The following KLF12 variants were observed in gnomAD, a reference collection of about 807,000 sequenced individuals.
KLF12 encodes the protein KLF transcription factor 12.
In KLF12, 9 loss-of-function variants were observed where a neutral mutation model predicts 37.8. The observed-to-expected ratio is 0.24, with a 90% CI of 0.14 to 0.42. KLF12 has a LOEUF of 0.42. Among genes scored for constraint, KLF12 ranks in the 10% least tolerant of loss-of-function variants. The pLI, the probability that KLF12 is intolerant of heterozygous loss-of-function variation, is 1.00. For missense variants in KLF12, 411 were observed against 516.0 expected, an observed-to-expected ratio of 0.80 and a Z score of 1.97; for synonymous variants, 208 against 202.1, an observed-to-expected ratio of 1.03 and a Z score of -0.25.
the KLF12 span, among the ~76,000 whole-genome samples, chr13:74,275,860 TTCTTTCTA>T: frequency 9.9e-4 from 116 of 117,544 alleles, 1 homozygote; most frequent in African/African-American, 2.8e-3. Context: ...CTTTCTTTCT[TTCTTTCTA>T]TCTTTCTTTC....
At chr13:73,896,932 C>A (rs568005449) in intron 3 of KLF12, among the ~76,000 whole-genome samples, 4 of 152,240 alleles carry the variant, frequency 2.6e-5, no homozygotes, top group Non-Finnish European at 4.4e-5. Flanking sequence ...ATTCTAAACT[C>A]ATAAAAAGTT....
intron 5 of KLF12, among the ~76,000 whole-genome samples, chr13:73,807,965 T>C (rs920960017): frequency 1.3e-5 from 2 of 152,170 alleles, no homozygotes; most frequent in African/African-American, 2.4e-5. Flanking sequence ...TTATGAATGT[T>C]TGGAATGAGA....
At chr13:74,071,650 A>G (rs1043783649) in intron 1 of KLF12, among the ~76,000 whole-genome samples, 22 of 152,168 alleles carry the variant, frequency 1.4e-4, no homozygotes, top group African/African-American at 2.9e-4. Context: ...CCAAGATCGC[A>G]CCACTGCACT....
chr13:74,243,677 G>A, the KLF12 span, among the ~76,000 whole-genome samples: 1 of 152,116 alleles, frequency 6.6e-6, no homozygotes, highest in Admixed American at 6.5e-5. Flanking sequence ...TCTCATTGTG[G>A]TTTTGATTTG....
In KLF12 at chr13:74,076,888, C is replaced by T. The variant is rs532691785; in HGVS notation, c.-32+56851G>A. Among the ~76,000 whole-genome samples the T allele has an allele frequency of 3.9e-5, 6 of 152,202 alleles. No individual in the cohort carries two copies. In the South Asian group the frequency reaches 8.3e-4, roughly 21 times the overall value. On this transcript the variant is annotated intron_variant, in intron 1 of 7. Transcript: ENST00000377669. ...TTTAGCTCCCACTTGTAATTGAGAACCTGTGGTATTTGGTTTTCTGTTCCT... is the reference window on the plus strand; with the variant it reads ...TTTAGCTCCCACTTGTAATTGAGAATCTGTGGTATTTGGTTTTCTGTTCCT...
intron 2 of KLF12, chr13:73,960,523 T>C (rs1890991219): frequency 5.3e-6 from 1 of 189,714 alleles, no homozygotes; most frequent in Non-Finnish European, 1.2e-5. Flanking sequence ...AAAACAAAGT[T>C]CCTATACAGG....
chr13:73,951,314 G>A (rs1593774520), intron 2 of KLF12, among the ~76,000 whole-genome samples: 1 of 152,120 alleles, frequency 6.6e-6, no homozygotes, highest in Non-Finnish European at 1.5e-5. Flanking sequence ...GTTCTGTGGA[G>A]TTTCATTCCA....
chr13:74,080,407 C>T (rs918545707), intron 1 of KLF12, among the ~76,000 whole-genome samples: 20 of 152,004 alleles, frequency 1.3e-4, no homozygotes, highest in Admixed American at 9.8e-4. Context: ...GTGATCACAC[C>T]ACCACACTCA....
chr13:73,709,421 C>T (rs974589642), intron 7 of KLF12, among the ~76,000 whole-genome samples: 29 of 152,130 alleles, frequency 1.9e-4, no homozygotes, highest in Non-Finnish European at 5.9e-5. Flanking sequence ...GTAACTTACT[C>T]AATATGCCTG....
intron 3 of KLF12, among the ~76,000 whole-genome samples, chr13:73,891,275 T>C (rs1047232418): frequency 3.3e-5 from 5 of 152,092 alleles, no homozygotes; most frequent in African/African-American, 1.2e-4. Flanking sequence ...AGTCTAATGT[T>C]ATTTAAAATA....
rs200541651 is a variant in KLF12 at position 73,715,490 on chromosome 13, C to T, written c.905G>A (p.Arg302His). The T allele has an allele frequency of 8.7e-6, 14 of 1,613,974 alleles. No individual in the cohort carries two copies. In the East Asian group the frequency reaches 8.9e-5, roughly 10 times the overall value. ...GTCTGGGGATTCAGACCGTCTCTGGCGTCTTGTGCTCTCAATACTAAATGG... is the reference window on the plus strand; with the variant it reads ...GTCTGGGGATTCAGACCGTCTCTGGTGTCTTGTGCTCTCAATACTAAATGG... Residue 302 changes from arginine to histidine, a missense_variant, in exon 7 of 8, where the codon CGC becomes CAC. By Grantham distance (29) the Arg-to-His change is conservative. Coordinates refer to ENST00000377669, the MANE Select transcript of KLF12 (RefSeq NM_007249.5).
At chr13:73,926,758 G>A (rs925997141) in intron 3 of KLF12, among the ~76,000 whole-genome samples, 3 of 151,800 alleles carry the variant, frequency 2.0e-5, no homozygotes, top group African/African-American at 4.8e-5. Context: ...TTAAGCACAC[G>A]TAGTTTCTCT....
chr13:73,765,003 G>A lies in KLF12; in HGVS notation c.807-3C>T, dbSNP rs754303759. ...TTGATACTGGGGACGGATGTACCCT[G>A]TAGACAGAGAAGAATAATCCAGTCA... On this transcript the variant is annotated splice_region_variant and splice_polypyrimidine_tract_variant and intron_variant, in intron 5 of 7. Transcript: ENST00000377669. 1.8e-5 allele frequency: 28 copies of A among 1,531,266 alleles called. No individual in the cohort carries two copies. Among genetic ancestry groups the A allele is most frequent in the South Asian group, 4.7e-5 (4 of 85,242 alleles). The allele number at this position is 1,531,266 out of a possible 1,614,324, so 94.9% of individuals were successfully genotyped here. A position where few individuals can be genotyped will look rare whatever the true frequency, so the allele number is the denominator to read the frequency against.
the KLF12 span, among the ~76,000 whole-genome samples, chr13:74,293,892 A>G: frequency 1.3e-5 from 2 of 152,240 alleles, no homozygotes; most frequent in African/African-American, 2.4e-5. Flanking sequence ...TTAAAAGTGT[A>G]TAGAGTCATG....
intron 7 of KLF12, among the ~76,000 whole-genome samples, chr13:73,709,152 C>A (rs921917497): frequency 6.6e-6 from 1 of 152,134 alleles, no homozygotes; most frequent in Admixed American, 6.6e-5. Flanking sequence ...ATTTCTTTTT[C>A]TATTCTAAAT....
intron 1 of KLF12, among the ~76,000 whole-genome samples, chr13:74,122,598 A>G (rs1165543099): frequency 6.6e-6 from 1 of 152,098 alleles, no homozygotes; most frequent in Non-Finnish European, 1.5e-5. Context: ...TTATTACATC[A>G]TTAGTTTAAA....
intron 1 of KLF12, among the ~76,000 whole-genome samples, chr13:74,115,495 AGGAGTTCGAGACCAGCCT>A (rs1222910616): frequency 2.0e-5 from 3 of 152,150 alleles, no homozygotes; most frequent in Non-Finnish European, 2.9e-5. Flanking sequence ...ACCTGAAGTC[AGGAGTTCGAGACCAGCCT>A]GGTCAACAGG....
chr13:73,795,072 A>G (rs1039283808), intron 5 of KLF12, among the ~76,000 whole-genome samples: 8 of 152,184 alleles, frequency 5.3e-5, no homozygotes, highest in African/African-American at 1.9e-4. Context: ...TACAAGCATG[A>G]GATTTGCTAA....
intron 3 of KLF12, among the ~76,000 whole-genome samples, chr13:73,929,552 C>T (rs1404873325): frequency 6.6e-6 from 1 of 152,134 alleles, no homozygotes; most frequent in Non-Finnish European, 1.5e-5. Flanking sequence ...ACAACAGAAT[C>T]CCCTCCGTAT....
Sources: gnomAD v4.1 joint callset for allele counts (sites outside exome capture counted in the v4.1 genomes callset) on GRCh38, gnomAD v4.1.1 for gene constraint, MANE v1.5 for transcripts, NCBI Gene and HGNC (gene_info 2026-07-23, HGNC 2026-07-21) for gene names.